ADGRV1: variants seen among roughly 807,000 people sequenced by gnomAD.
The protein encoded by ADGRV1 is G-protein coupled receptor 98.
ADGRV1 carries 359 observed loss-of-function variants against 596.2 expected under a neutral mutation model. That is an observed-to-expected ratio of 0.60 (90% CI 0.55 to 0.66). The LOEUF is 0.66. ADGRV1 is among the 30% of genes least tolerant of loss of function. The probability of loss-of-function intolerance (pLI) is 0.00; values close to 1 mark genes in which losing one functional copy is unlikely to be tolerated. For missense variants in ADGRV1, 7,274 were observed against 7,575.6 expected (o/e 0.96, Z 1.48); for synonymous variants, 2,681 against 2,679.2 (o/e 1.00, Z -0.02).
intron 85 of ADGRV1, among the ~76,000 whole-genome samples, chr5:90,999,504 G>T (rs1374036737): frequency 6.6e-6 from 1 of 151,870 alleles, no homozygotes; most frequent in Non-Finnish European, 1.5e-5. Context: ...AAGAATTTAG[G>T]CATTTGAAAT....
chr5:90,729,898 G>A, intron 50 of ADGRV1, 134 bp downstream of exon 50: 1 of 834,098 alleles, frequency 1.2e-6, no homozygotes, highest in Non-Finnish European at 1.9e-6. Context: ...ATGGGGTCTA[G>A]CTGTGTTGCC....
At chr5:90,563,323 G>T (rs1755112441) in intron 1 of ADGRV1, among the ~76,000 whole-genome samples, 1 of 152,232 alleles carries the variant, frequency 6.6e-6, no homozygotes, top group African/African-American at 2.4e-5. Context: ...AGGCTGTTGA[G>T]TGCTAGGTCT....
chr5:90,952,157 G>A (rs1777113759), intron 83 of ADGRV1, among the ~76,000 whole-genome samples: 1 of 151,986 alleles, frequency 6.6e-6, no homozygotes, highest in Admixed American at 6.6e-5. Context: ...TTTTAGTACT[G>A]GTTGTCACCA....
chr5:90,574,919 G>A (rs1757003836), intron 1 of ADGRV1, among the ~76,000 whole-genome samples: 1 of 152,048 alleles, frequency 6.6e-6, no homozygotes, highest in Non-Finnish European at 1.5e-5. Context: ...TATTTCTCTG[G>A]AATCAGTTGT....
At chr5:90,747,480 T>G (rs905079502) in intron 52 of ADGRV1, among the ~76,000 whole-genome samples, 3 of 152,064 alleles carry the variant, frequency 2.0e-5, no homozygotes, top group Non-Finnish European at 4.4e-5. Flanking sequence ...TCATGGGGTG[T>G]AAAGTCCAGA....
intron 78 of ADGRV1, chr5:90,846,336 T>C (rs1255424631): frequency 6.6e-6 from 1 of 152,322 alleles, no homozygotes; most frequent in African/African-American, 2.4e-5. Context: ...TGGGGCATAG[T>C]GTAAGAATCA....
At chr5:90,861,955 A>G (rs920322043) in intron 82 of ADGRV1, among the ~76,000 whole-genome samples, 2 of 152,190 alleles carry the variant, frequency 1.3e-5, no homozygotes, top group African/African-American at 4.8e-5. Flanking sequence ...GCATCTAGAT[A>G]ACTATGATGC....
chr5:91,117,151 T>G (rs1166479398), intron 87 of ADGRV1, among the ~76,000 whole-genome samples: 1 of 152,184 alleles, frequency 6.6e-6, no homozygotes, highest in African/African-American at 2.4e-5. Context: ...CATCAGAGTA[T>G]TCCTCATAGC....
Position 90,614,861 on chromosome 5 carries a change from A to T in ADGRV1, c.49A>T (p.Asn17Tyr). The change falls in exon 2 of 90, where the codon AAT (asparagine) becomes TAT (tyrosine). Residue 17 changes from asparagine to tyrosine, a missense_variant. By Grantham distance (143) the Asn-to-Tyr change is moderately radical (BLOSUM62 -2). Coordinates refer to ENST00000405460, the MANE Select transcript of ADGRV1 (RefSeq NM_032119.4). Reference protein sequence around the residue: ...PGMPSASLLVNLLSALLILFV... With the variant: ...PGMPSASLLVYLLSALLILFV... ...GATGCCCTCTGCATCTTTATTAGTAAATCTTCTTTCAGCTTTACTCATCCT... is the reference window on the plus strand; with the variant it reads ...GATGCCCTCTGCATCTTTATTAGTATATCTTCTTTCAGCTTTACTCATCCT... The T allele has an allele frequency of 6.2e-7, 1 of 1,610,442 alleles. No homozygotes were observed.
chr5:90,583,528 A>C (rs544425987), intron 1 of ADGRV1, among the ~76,000 whole-genome samples: 2 of 152,230 alleles, frequency 1.3e-5, no homozygotes, highest in East Asian at 3.9e-4. Context: ...GCTACCAAAA[A>C]CTTTTCCCTC....
At chr5:90,832,491 T>C (rs1291329627) in intron 77 of ADGRV1, among the ~76,000 whole-genome samples, 2 of 152,190 alleles carry the variant, frequency 1.3e-5, no homozygotes, top group Non-Finnish European at 2.9e-5. Context: ...CCTTATATAT[T>C]CTAGTTATTA....
At chr5:91,054,813 C>T (rs1307452044) in intron 85 of ADGRV1, among the ~76,000 whole-genome samples, 1 of 152,140 alleles carries the variant, frequency 6.6e-6, no homozygotes, top group Non-Finnish European at 1.5e-5. Context: ...AACATTCAAA[C>T]CACTGCAGAA....
At chr5:90,784,792 A>G (rs1203005592) in intron 67 of ADGRV1, among the ~76,000 whole-genome samples, 3 of 152,204 alleles carry the variant, frequency 2.0e-5, no homozygotes, top group African/African-American at 7.2e-5. Context: ...ATGGAAGAAC[A>G]TTCCATGCTC....
At chr5:91,074,641 G>T (rs1423178258) in intron 86 of ADGRV1, among the ~76,000 whole-genome samples, 1 of 152,204 alleles carries the variant, frequency 6.6e-6, no homozygotes, top group Non-Finnish European at 1.5e-5. Flanking sequence ...ACATATGTGT[G>T]CATGTGTCTT....
intron 61 of ADGRV1, among the ~76,000 whole-genome samples, 154 bp from the exon 62 acceptor site, chr5:90,777,751 T>A (rs988019991): frequency 6.6e-6 from 1 of 152,220 alleles, no homozygotes; most frequent in African/African-American, 2.4e-5. Context: ...ACTTTAAGAC[T>A]TCCTTTGGTT....
At chr5:90,756,728 A>C (rs774502919) in intron 56 of ADGRV1, 98 bp downstream of exon 56, 4 of 1,041,494 alleles carry the variant, frequency 3.8e-6, no homozygotes, top group Non-Finnish European at 5.5e-6. Context: ...TTATTTTTAA[A>C]TAGATAAATA....
In ADGRV1 at chr5:90,558,875, G is replaced by C. The variant is rs770240032; in HGVS notation, c.-21G>C. The C allele has an allele frequency of 1.9e-6, 3 of 1,559,856 alleles. No homozygotes were observed. Among genetic ancestry groups the C allele is most frequent in the Non-Finnish European group, 2.6e-6 (3 of 1,151,190 alleles). On this transcript the variant is annotated 5_prime_UTR_variant, in exon 1 of 90. Coordinates refer to ENST00000405460, the MANE Select transcript of ADGRV1 (RefSeq NM_032119.4). Reference sequence around the variant, plus strand: ...AGCGAGGGTGTGTGGAGGGCCGGCGGGGACCGCCGGGAGCGCGCGGATGTC... The same window carrying C: ...AGCGAGGGTGTGTGGAGGGCCGGCGCGGACCGCCGGGAGCGCGCGGATGTC...
intron 21 of ADGRV1, among the ~76,000 whole-genome samples, chr5:90,664,985 C>A (rs953667890): frequency 2.6e-5 from 4 of 151,960 alleles, no homozygotes; most frequent in African/African-American, 9.7e-5. Context: ...GGTAGATAAG[C>A]TTTTTGATGT....
At position 90,647,533 on chromosome 5, in the gene ADGRV1, G is replaced by A. The variant is rs2149446393; in HGVS notation, c.3058G>A (p.Ala1020Thr). The A allele has an allele frequency of 6.2e-7, 1 of 1,613,440 alleles. No homozygotes were observed. Among genetic ancestry groups the A allele is most frequent in the Non-Finnish European group, 8.5e-7 (1 of 1,179,488 alleles). Residue 1020 changes from alanine to threonine, a missense_variant, in exon 17 of 90, where the codon GCC becomes ACC. By Grantham distance (58) the Ala-to-Thr change is moderately conservative (BLOSUM62 0). Transcript: ENST00000405460. The stretch of plus-strand genomic sequence containing the variant: ...AGTGAGGGTTCAGGAAGGTGAGACT[G>A]CCAACTTTACAGTTCTCAGAAATGG... ...RVVRVQEGETANFTVLRNGSV... is the reference protein window; with the variant it reads ...RVVRVQEGETTNFTVLRNGSV...
Sources: allele counts gnomAD v4.1 joint callset (sites outside exome capture counted in the v4.1 genomes callset), GRCh38; gene constraint gnomAD v4.1.1; transcripts MANE v1.5; gene names NCBI Gene and HGNC (gene_info 2026-07-23, HGNC 2026-07-21).